LDB2: variants seen among roughly 807,000 people sequenced by gnomAD.
The protein encoded by LDB2 is LIM domain-binding protein 2.
LDB2 carries 12 observed loss-of-function variants against 44.3 expected under a neutral mutation model. The ratio of observed to expected loss-of-function variants is 0.27; its 90% CI spans 0.17 to 0.44. The LOEUF (loss-of-function observed/expected upper bound fraction) is 0.44. Ranked by LOEUF, LDB2 falls within the 20% of genes least tolerant of loss-of-function variation. The pLI is 1.00. For synonymous variants in LDB2, 164 were observed against 174.8 expected (o/e 0.94, Z 0.49); for missense variants, 344 against 473.5 (o/e 0.73, Z 2.54).
chr4:16,841,566 G>C (rs1785898682), intron 1 of LDB2, among the ~76,000 whole-genome samples: 1 of 152,106 alleles, frequency 6.6e-6, no homozygotes, highest in Non-Finnish European at 1.5e-5. Flanking sequence ...TCATCTCGAA[G>C]GCAACCAACA....
chr4:16,802,988 T>C (rs1348042215), intron 1 of LDB2, among the ~76,000 whole-genome samples: 1 of 152,150 alleles, frequency 6.6e-6, no homozygotes, highest in East Asian at 1.9e-4. Flanking sequence ...CAGAGACCCC[T>C]CGACCGCTGT....
intron 1 of LDB2, among the ~76,000 whole-genome samples, chr4:16,864,452 G>T (rs767410533): frequency 6.6e-6 from 1 of 152,022 alleles, no homozygotes; most frequent in Non-Finnish European, 1.5e-5. Context: ...TGCATGCCTT[G>T]GTGCCAAACT....
intron 2 of LDB2, among the ~76,000 whole-genome samples, chr4:16,680,046 A>G (rs1385239072): frequency 6.6e-6 from 1 of 152,102 alleles, no homozygotes; most frequent in African/African-American, 2.4e-5. Flanking sequence ...GTATTTGGAG[A>G]TGGGACCTTT....
chr4:16,623,191 G>A (rs1425353372), intron 2 of LDB2, among the ~76,000 whole-genome samples: 1 of 152,142 alleles, frequency 6.6e-6, no homozygotes, highest in Admixed American at 6.6e-5. Flanking sequence ...AACACACATT[G>A]AGAGTAAGTA....
At chr4:16,802,270 T>C (rs1449192842) in intron 1 of LDB2, among the ~76,000 whole-genome samples, 1 of 152,192 alleles carries the variant, frequency 6.6e-6, no homozygotes, top group Non-Finnish European at 1.5e-5. Flanking sequence ...GGGGCAGCAG[T>C]CACTGCTGAT....
chr4:16,542,744 A>G (rs1285745087), intron 5 of LDB2, among the ~76,000 whole-genome samples: 1 of 150,236 alleles, frequency 6.7e-6, no homozygotes, highest in Non-Finnish European at 1.5e-5. Flanking sequence ...TAACCAATTT[A>G]CAAATGGTTT....
At chr4:16,529,597 TA>T (rs1238318184) in intron 5 of LDB2, among the ~76,000 whole-genome samples, 1 of 152,210 alleles carries the variant, frequency 6.6e-6, no homozygotes, top group Non-Finnish European at 1.5e-5. Context: ...AGCTTGTTTT[TA>T]TTTTTCCTCC....
chr4:16,562,237 A>T (rs1742641868), intron 5 of LDB2, among the ~76,000 whole-genome samples: 2 of 152,214 alleles, frequency 1.3e-5, no homozygotes, highest in African/African-American at 2.4e-5. Flanking sequence ...ATTAAACTAA[A>T]GGGCTTCTGC....
intron 4 of LDB2, among the ~76,000 whole-genome samples, chr4:16,587,038 A>C (rs568373897): frequency 1.7e-4 from 26 of 152,244 alleles, no homozygotes; most frequent in Non-Finnish European, 3.4e-4. Flanking sequence ...ATTTCCTAAA[A>C]GAGGTCTTCC....
chr4:16,733,580 A>G (rs1045847231), intron 2 of LDB2, among the ~76,000 whole-genome samples: 2 of 152,214 alleles, frequency 1.3e-5, no homozygotes, highest in Non-Finnish European at 2.9e-5. Context: ...CTGTGCCTCA[A>G]AGGGAAGCTA....
Position 16,595,813 on chromosome 4 carries a change from G to C in LDB2, c.298C>G (p.Leu100Val). 2 of 1,613,664 alleles carry C rather than the reference G, an allele frequency of 1.2e-6. No homozygotes were observed. Among genetic ancestry groups the C allele is most frequent in the Non-Finnish European group, 1.7e-6 (2 of 1,179,790 alleles). ...TTCGAGTGTTTGAGAATGTAATACA[G>C]GTCGGTCACCCCTCCTTCAAACACA... ...STVFEGGVTD[L>V]YYILKHSKES... The change falls in exon 3 of 8, where the codon CTG (leucine) becomes GTG (valine). Residue 100 changes from leucine (L) to valine (V), a missense_variant. Transcript: ENST00000304523.
At chr4:16,873,938 T>C (rs1363798988) in intron 1 of LDB2, among the ~76,000 whole-genome samples, 1 of 152,212 alleles carries the variant, frequency 6.6e-6, no homozygotes, top group Non-Finnish European at 1.5e-5. Flanking sequence ...AGGCTTCTTC[T>C]ATTTAGCATA....
At chr4:16,867,519 A>T (rs945317943) in intron 1 of LDB2, among the ~76,000 whole-genome samples, 4 of 152,196 alleles carry the variant, frequency 2.6e-5, no homozygotes, top group African/African-American at 4.8e-5. Context: ...TGCCAATAGA[A>T]AACAGGAACA....
intron 2 of LDB2, among the ~76,000 whole-genome samples, chr4:16,705,970 T>A (rs986878495): frequency 1.3e-5 from 2 of 152,146 alleles, no homozygotes; most frequent in African/African-American, 2.4e-5. Context: ...TCTTTTTTTT[T>A]AAGTGAACAA....
At chr4:16,670,380 G>T (rs1744404300) in intron 2 of LDB2, among the ~76,000 whole-genome samples, 1 of 152,146 alleles carries the variant, frequency 6.6e-6, no homozygotes, top group Admixed American at 6.5e-5. Flanking sequence ...CTATTTCAGA[G>T]GCTGAGTGCT....
chr4:16,801,192 T>G lies in LDB2; in HGVS notation c.133-41932A>C, dbSNP rs559012647. 5.3e-5 allele frequency among the ~76,000 whole-genome samples: 8 copies of G among 152,306 alleles called. No homozygotes were observed. The East Asian group carries it at 1.4e-3, about 26-fold the overall frequency. ...CCCTCCAACCCGTCTTCAGTTCTGT[T>G]TGGTTTAGATGGAAGCCCATCCTGT... On this transcript the variant is annotated intron_variant, in intron 1 of 7. Transcript: ENST00000304523.
At chr4:16,826,516 AATGG>A (rs1338041834) in intron 1 of LDB2, 2 of 152,204 alleles carry the variant, frequency 1.3e-5, no homozygotes, top group Non-Finnish European at 2.9e-5. Flanking sequence ...CCAGTAAATG[AATGG>A]ATGGATTAAA....
chr4:16,705,613 T>C (rs1754434170), intron 2 of LDB2, among the ~76,000 whole-genome samples: 1 of 152,118 alleles, frequency 6.6e-6, no homozygotes, highest in South Asian at 2.1e-4. Flanking sequence ...TGAAGAAAAA[T>C]ATAGAGGCTT....
intron 2 of LDB2, among the ~76,000 whole-genome samples, chr4:16,645,854 T>A (rs951663324): frequency 1.3e-5 from 2 of 152,214 alleles, no homozygotes; most frequent in Non-Finnish European, 2.9e-5. Flanking sequence ...AATGGAATGA[T>A]AACAGCATCT....
Sources: gnomAD v4.1 joint callset for allele counts (sites outside exome capture counted in the v4.1 genomes callset) on GRCh38, gnomAD v4.1.1 for gene constraint, MANE v1.5 for transcripts, NCBI Gene and HGNC (gene_info 2026-07-23, HGNC 2026-07-21) for gene names.